ARB2A: variants seen among roughly 807,000 people sequenced by gnomAD.
ARB2A encodes the protein cotranscriptional regulator ARB2A.
At chr5:93,909,446 G>A in the ARB2A span, among the ~76,000 whole-genome samples, 15 of 150,576 alleles carry the variant, frequency 1.0e-4, no homozygotes, top group African/African-American at 3.4e-4. Context: ...AAAAAAAAAT[G>A]TTATTGATCT....
the ARB2A span, among the ~76,000 whole-genome samples, chr5:94,093,149 C>A: frequency 2.1e-4 from 32 of 152,028 alleles, 1 homozygote; most frequent in Non-Finnish European, 4.3e-4. Context: ...CCTTCTGATA[C>A]ATTTCTTCAA....
At chr5:93,853,160 AG>A in the ARB2A span, among the ~76,000 whole-genome samples, 2 of 152,038 alleles carry the variant, frequency 1.3e-5, no homozygotes, top group Non-Finnish European at 2.9e-5. Flanking sequence ...TTCTCCTTGA[AG>A]AGGTCCTTCA....
the ARB2A span, among the ~76,000 whole-genome samples, chr5:93,831,168 G>C: frequency 6.6e-6 from 1 of 152,198 alleles, no homozygotes; most frequent in Admixed American, 6.5e-5. Flanking sequence ...GTTCAGCCCA[G>C]TTCCTAACAG....
the ARB2A span, among the ~76,000 whole-genome samples, chr5:94,033,865 C>T: frequency 6.6e-6 from 1 of 152,118 alleles, no homozygotes; most frequent in Non-Finnish European, 1.5e-5. Flanking sequence ...GGAAGTGGTG[C>T]CTTTAAGAGG....
At chr5:93,705,216 A>G in the ARB2A span, among the ~76,000 whole-genome samples, 2 of 152,230 alleles carry the variant, frequency 1.3e-5, no homozygotes, top group Non-Finnish European at 2.9e-5. Flanking sequence ...GCTTAATTCC[A>G]AGCACAAAAT....
At chr5:93,625,480 T>C in the ARB2A span, among the ~76,000 whole-genome samples, 2 of 152,188 alleles carry the variant, frequency 1.3e-5, no homozygotes, top group Non-Finnish European at 2.9e-5. Flanking sequence ...CTATTTTTCA[T>C]TTTTCTTATG....
chr5:93,935,052 A>G, the ARB2A span, among the ~76,000 whole-genome samples: 1 of 152,162 alleles, frequency 6.6e-6, no homozygotes, highest in Non-Finnish European at 1.5e-5. Flanking sequence ...TAAGAATGAT[A>G]CAATGGACTT....
At chr5:93,940,769 C>A in the ARB2A span, among the ~76,000 whole-genome samples, 1 of 152,062 alleles carries the variant, frequency 6.6e-6, no homozygotes, top group Non-Finnish European at 1.5e-5. Context: ...TTTAAGCCTA[C>A]AGTGTAAACT....
the ARB2A span, among the ~76,000 whole-genome samples, chr5:93,954,515 C>A: frequency 6.6e-6 from 1 of 151,896 alleles, no homozygotes; most frequent in African/African-American, 2.4e-5. Flanking sequence ...GTCTTCTTTA[C>A]CTTTCCCTCT....
chr5:93,985,466 C>A, the ARB2A span, among the ~76,000 whole-genome samples: 1 of 151,508 alleles, frequency 6.6e-6, no homozygotes, highest in Admixed American at 6.6e-5. Context: ...CCACGGTCTC[C>A]CTCTATTACC....
chr5:93,740,755 T>C, the ARB2A span: 9 of 1,612,412 alleles, frequency 5.6e-6, no homozygotes, highest in East Asian at 2.2e-5. Context: ...GGAAGCATCA[T>C]TGGTTGGTCG....
At chr5:93,690,357 G>T in the ARB2A span, among the ~76,000 whole-genome samples, 1 of 152,190 alleles carries the variant, frequency 6.6e-6, no homozygotes, top group African/African-American at 2.4e-5. Context: ...GGATGCTCCA[G>T]CTTGGTGGGG....
chr5:93,779,980 A>G, the ARB2A span, among the ~76,000 whole-genome samples: 16 of 152,304 alleles, frequency 1.1e-4, no homozygotes, highest in South Asian at 3.1e-3. Flanking sequence ...TTTTTAAATA[A>G]AAACATTACA....
chr5:93,673,838 A>G, the ARB2A span, among the ~76,000 whole-genome samples: 1 of 152,222 alleles, frequency 6.6e-6, no homozygotes, highest in African/African-American at 2.4e-5. Context: ...TCTTTTTGCC[A>G]GAACATATTT....
the ARB2A span, among the ~76,000 whole-genome samples, chr5:93,970,270 C>T: frequency 6.6e-6 from 1 of 151,944 alleles, no homozygotes; most frequent in Admixed American, 6.6e-5. Flanking sequence ...CACGTAAATG[C>T]TAAGAGAATC....
At chr5:94,041,042 A>G in the ARB2A span, among the ~76,000 whole-genome samples, 1 of 152,134 alleles carries the variant, frequency 6.6e-6, no homozygotes, top group East Asian at 1.9e-4. Flanking sequence ...CATGTCAGCA[A>G]AAGTGTAAGA....
chr5:93,974,284 T>A, the ARB2A span, among the ~76,000 whole-genome samples: 8 of 152,246 alleles, frequency 5.3e-5, no homozygotes, highest in East Asian at 1.5e-3. Flanking sequence ...TAGAGAAAGA[T>A]CTATCATGCA....
chr5:93,847,456 G>A, the ARB2A span, among the ~76,000 whole-genome samples: 2 of 152,058 alleles, frequency 1.3e-5, no homozygotes, highest in African/African-American at 4.8e-5. Context: ...AATTTCTCAT[G>A]TATAGCAAAC....
chr5:93,761,833 G>T, the ARB2A span, among the ~76,000 whole-genome samples: 7 of 152,262 alleles, frequency 4.6e-5, no homozygotes, highest in South Asian at 1.5e-3. Flanking sequence ...CACCTCACAC[G>T]GCCAGGTACT....
Sources: gnomAD v4.1 joint callset for allele counts (sites outside exome capture counted in the v4.1 genomes callset) on GRCh38, gnomAD v4.1.1 for gene constraint, MANE v1.5 for transcripts, NCBI Gene and HGNC (gene_info 2026-07-23, HGNC 2026-07-21) for gene names.